COL19A1: variants seen among roughly 807,000 people sequenced by gnomAD.
COL19A1 encodes collagen alpha-1(XIX) chain.
Under a neutral mutation model 190.2 loss-of-function variants are expected in COL19A1, and 159 were observed. That is an observed-to-expected ratio of 0.84 (90% CI 0.73 to 0.95). COL19A1 has a LOEUF of 0.95. COL19A1 is among the 40% of genes least tolerant of loss of function. The probability of loss-of-function intolerance (pLI) is 0.00; values close to 1 mark genes in which losing one functional copy is unlikely to be tolerated. For synonymous variants in COL19A1, 509 were observed against 458.9 expected, an observed-to-expected ratio of 1.11 and a Z score of -1.39; for missense variants, 1,418 against 1,431.9, an observed-to-expected ratio of 0.99 and a Z score of 0.16.
At position 70,036,547 on chromosome 6, in the gene COL19A1, T is replaced by C. The variant is rs368247558; in HGVS notation, c.1170+608T>C. On this transcript the variant is annotated intron_variant, in intron 14 of 50. Coordinates refer to ENST00000620364, the MANE Select transcript of COL19A1 (RefSeq NM_001858.6). ...TGTATTAAGCACTTTATAATAAATATATGATTCTCTTATATTCAGATACAA... is the reference window on the plus strand; with the variant it reads ...TGTATTAAGCACTTTATAATAAATACATGATTCTCTTATATTCAGATACAA... 2.6e-5 allele frequency among the ~76,000 whole-genome samples: 4 copies of C among 152,200 alleles called. No individual in the cohort carries two copies. The East Asian group carries it at 7.7e-4, about 29-fold the overall frequency.
chr6:70,128,658 C>A (rs564876202), intron 17 of COL19A1, among the ~76,000 whole-genome samples: 31 of 152,228 alleles, frequency 2.0e-4, no homozygotes, highest in African/African-American at 7.5e-4. Context: ...GTTAAACAGG[C>A]AAGGAAGACA....
intron 11 of COL19A1, among the ~76,000 whole-genome samples, chr6:69,998,422 A>G (rs1777050836): frequency 6.6e-6 from 1 of 151,918 alleles, no homozygotes; most frequent in South Asian, 2.1e-4. Flanking sequence ...AGGTGGGCGG[A>G]TCACCTGAGA....
chr6:69,960,551 C>A (rs1000742694), intron 10 of COL19A1, among the ~76,000 whole-genome samples: 2 of 151,598 alleles, frequency 1.3e-5, no homozygotes, highest in Non-Finnish European at 2.9e-5. Flanking sequence ...AGGAGTTTTG[C>A]ATGGGCCAGG....
intron 11 of COL19A1, among the ~76,000 whole-genome samples, chr6:69,990,788 G>A (rs1487622551): frequency 2.6e-5 from 4 of 152,042 alleles, no homozygotes; most frequent in Non-Finnish European, 5.9e-5. Flanking sequence ...TTTTTGTGAT[G>A]ATTGCAGCCA....
intron 36 of COL19A1, among the ~76,000 whole-genome samples, chr6:70,165,726 A>T (rs976236887): frequency 6.6e-6 from 1 of 152,214 alleles, no homozygotes; most frequent in African/African-American, 2.4e-5. Flanking sequence ...AGTGAGAGTC[A>T]GAATGGGTAT....
chr6:69,970,174 A>G (rs1341353801), intron 11 of COL19A1, among the ~76,000 whole-genome samples: 1 of 152,224 alleles, frequency 6.6e-6, no homozygotes, highest in Non-Finnish European at 1.5e-5. Flanking sequence ...CAAATGATAT[A>G]AAATTTTATT....
Position 70,205,576 on chromosome 6 carries a change from C to A in COL19A1, c.3224-1325C>A, listed in dbSNP as rs959465058. Among the ~76,000 whole-genome samples the A allele has an allele frequency of 1.2e-4, 18 of 152,274 alleles. No individual in the cohort carries two copies. In the South Asian group the frequency reaches 3.7e-3, roughly 32 times the overall value. On this transcript the variant is annotated intron_variant, in intron 49 of 50. Coordinates refer to ENST00000620364, the MANE Select transcript of COL19A1 (RefSeq NM_001858.6). ...CTGTCCATTTAGGACAAGGAGTGAT[C>A]TTTAAGGGGCTGTTTAAGTATGAAA...
intron 4 of COL19A1, among the ~76,000 whole-genome samples, chr6:69,921,346 C>CAT (rs1322390121): frequency 2.5e-5 from 3 of 119,860 alleles, no homozygotes; most frequent in African/African-American, 9.7e-5. Flanking sequence ...CTATATATAT[C>CAT]ATATATCATA....
Position 70,137,724 on chromosome 6 carries a change from C to T in COL19A1, c.1423C>T (p.Pro475Ser). Residue 475 changes from proline to serine, a missense_variant, in exon 19 of 51, where the codon CCT becomes TCT. Coordinates refer to ENST00000620364, the MANE Select transcript of COL19A1 (RefSeq NM_001858.6). ...GLPGFPGSVG[P>S]KGQKGEPGEP... ...ACCAGGATTTCCAGGGTCTGTTGGC[C>T]CTAAAGGACAAAAAGGAGAACCTGT... The T allele has an allele frequency of 6.2e-7, 1 of 1,612,814 alleles. No homozygotes were observed. The highest frequency in any genetic ancestry group is 8.5e-7 in the Non-Finnish European group (1 of 1,179,252).
At position 69,874,721 on chromosome 6, in the gene COL19A1, A is replaced by G. The variant is rs553648845; in HGVS notation, c.-32-4815A>G. On this transcript the variant is annotated intron_variant, in intron 1 of 50. Transcript: ENST00000620364. ...AGCCGAGATCGCACCACTGCACTCC[A>G]GCCTGGGCAACAGAGCGAGACTCTG... 3.3e-5 allele frequency among the ~76,000 whole-genome samples: 5 copies of G among 152,284 alleles called. No homozygotes were observed. The South Asian group carries it at 6.2e-4, about 19-fold the overall frequency.
rs1486790635 is a variant in COL19A1 at position 70,211,620 on chromosome 6, GC to G, written c.*4347del. On this transcript the variant is annotated 3_prime_UTR_variant, in exon 51 of 51. Transcript: ENST00000620364. ...TTGAATTGTGTTCATTTATTAGTTGGCTGGTTAAGATAGCATTAATTATCTT... is the reference window on the plus strand; with the variant it reads ...TTGAATTGTGTTCATTTATTAGTTGGTGGTTAAGATAGCATTAATTATCTT... Among the ~76,000 whole-genome samples the G allele has an allele frequency of 6.7e-6, 1 of 149,974 alleles. No individual in the cohort carries two copies. Among genetic ancestry groups the G allele is most frequent in the African/African-American group, 2.5e-5 (1 of 40,580 alleles).
intron 11 of COL19A1, among the ~76,000 whole-genome samples, chr6:69,993,927 T>A (rs943630798): frequency 6.6e-6 from 1 of 151,660 alleles, no homozygotes; most frequent in African/African-American, 2.4e-5. Context: ...ATCTTTTGTA[T>A]GTTTTTTTTT....
chr6:69,940,990 C>A (rs1322409133), intron 9 of COL19A1, among the ~76,000 whole-genome samples: 1 of 152,132 alleles, frequency 6.6e-6, no homozygotes, highest in Non-Finnish European at 1.5e-5. Context: ...ATTATTAGAG[C>A]AGGTGCACAA....
intron 12 of COL19A1, among the ~76,000 whole-genome samples, chr6:70,028,570 G>C (rs1210702719): frequency 1.3e-5 from 2 of 152,094 alleles, no homozygotes; most frequent in East Asian, 3.9e-4. Flanking sequence ...TTTTTTGGAA[G>C]AAGATTTCTC....
chr6:70,099,964 G>A (rs1783522830), intron 15 of COL19A1, among the ~76,000 whole-genome samples: 1 of 152,140 alleles, frequency 6.6e-6, no homozygotes, highest in Non-Finnish European at 1.5e-5. Context: ...AATCTTGGAT[G>A]CTTTTTACTC....
At chr6:70,058,271 T>A (rs1378003853) in intron 14 of COL19A1, among the ~76,000 whole-genome samples, 1 of 152,052 alleles carries the variant, frequency 6.6e-6, no homozygotes, top group East Asian at 1.9e-4. Context: ...CTGAAATGAT[T>A]CCAGGTCTCC....
At chr6:70,202,068 T>C (rs1483032795) in intron 49 of COL19A1, among the ~76,000 whole-genome samples, 2 of 152,232 alleles carry the variant, frequency 1.3e-5, no homozygotes, top group Admixed American at 6.5e-5. Flanking sequence ...AAACCTCGGA[T>C]GCTGTTGTCT....
At chr6:69,879,426 A>T in intron 1 of COL19A1, 110 bp from the exon 2 acceptor site, 1 of 629,366 alleles carries the variant, frequency 1.6e-6, no homozygotes, top group South Asian at 2.0e-5. Flanking sequence ...CTGTTATATG[A>T]TGATATATGA....
intron 11 of COL19A1, among the ~76,000 whole-genome samples, chr6:70,003,572 A>T (rs774559293): frequency 6.6e-6 from 1 of 151,954 alleles, no homozygotes; most frequent in African/African-American, 2.4e-5. Flanking sequence ...GGGTGCATAT[A>T]TATTTAGAAT....
Sources: allele counts gnomAD v4.1 joint callset (sites outside exome capture counted in the v4.1 genomes callset), GRCh38; gene constraint gnomAD v4.1.1; transcripts MANE v1.5; gene names NCBI Gene and HGNC (gene_info 2026-07-23, HGNC 2026-07-21).